Variants in MEAF6 observed in about 807,000 individuals in gnomAD.
The protein encoded by MEAF6 is chromatin modification-related protein MEAF6.
A neutral mutation model predicts 28.9 loss-of-function variants in MEAF6; 15 were observed. That is an observed-to-expected ratio of 0.52 (90% CI 0.35 to 0.80). MEAF6 has a LOEUF of 0.80. MEAF6 is among the 30% of genes least tolerant of loss of function. MEAF6 has a pLI of 0.01. For synonymous variants in MEAF6, 97 were observed against 88.7 expected (o/e 1.09, Z -0.53); for missense variants, 178 against 237.5 (o/e 0.75, Z 1.65).
intron 4 of MEAF6, among the ~76,000 whole-genome samples, chr1:37,504,145 T>C (rs1187003987): frequency 6.6e-6 from 1 of 152,136 alleles, no homozygotes; most frequent in Non-Finnish European, 1.5e-5. Flanking sequence ...GTTTTAGAAG[T>C]GTTTAGAAGT....
chr1:37,498,833 T>C (rs954906966), intron 5 of MEAF6, among the ~76,000 whole-genome samples: 2 of 152,202 alleles, frequency 1.3e-5, no homozygotes, highest in African/African-American at 2.4e-5. Context: ...TGATCACTTA[T>C]GGATGCTAAA....
At chr1:37,511,265 A>C (rs1487291171) in intron 2 of MEAF6, among the ~76,000 whole-genome samples, 1 of 152,212 alleles carries the variant, frequency 6.6e-6, no homozygotes, top group Non-Finnish European at 1.5e-5. Flanking sequence ...AGCCAGCTTG[A>C]GGAGGCTCCC....
rs58064924 is a variant in MEAF6 at position 37,503,681 on chromosome 1, AG to A, written c.341-1686del. 1.5e-4 allele frequency among the ~76,000 whole-genome samples: 23 copies of A among 150,540 alleles called. No homozygotes were observed. In the South Asian group the frequency reaches 4.4e-3, roughly 29 times the overall value. ...CTCAAAAAAAAAAAAAAAAAAAAAA[AG>A]GCTGCACACAGTGGCTCATGCCTGT... On this transcript the variant is annotated intron_variant, in intron 4 of 6. Transcript: ENST00000296214.
chr1:37,503,978 T>C (rs1642396653), intron 4 of MEAF6, among the ~76,000 whole-genome samples: 1 of 152,090 alleles, frequency 6.6e-6, no homozygotes, highest in African/African-American at 2.4e-5. Flanking sequence ...AATATAGTTA[T>C]TGGTATGGTT....
intron 6 of MEAF6, among the ~76,000 whole-genome samples, chr1:37,494,957 C>G (rs1468207429): frequency 6.6e-6 from 1 of 151,628 alleles, no homozygotes; most frequent in South Asian, 2.1e-4. Flanking sequence ...CTTATTAGAG[C>G]ACCTGAATTC....
chr1:37,499,446 G>A (rs1175163488), intron 5 of MEAF6, among the ~76,000 whole-genome samples: 1 of 152,174 alleles, frequency 6.6e-6, no homozygotes, highest in Non-Finnish European at 1.5e-5. Flanking sequence ...GCAGTAGTAA[G>A]GGACTTGGAG....
At chr1:37,512,597 T>C (rs1569991888) in intron 2 of MEAF6, among the ~76,000 whole-genome samples, 1 of 152,156 alleles carries the variant, frequency 6.6e-6, no homozygotes, top group African/African-American at 2.4e-5. Flanking sequence ...ATGGCAAAAA[T>C]TGTGAGGGTC....
intron 6 of MEAF6, 128 bp from the exon 7 acceptor site, chr1:37,494,235 GC>G: frequency 1.2e-6 from 1 of 806,312 alleles, no homozygotes; most frequent in Non-Finnish European, 2.0e-6. Flanking sequence ...TATATTTCAG[GC>G]CAGGCACAGT....
At chr1:37,496,524 TA>T (rs1164319174) in intron 5 of MEAF6, 6 of 1,313,374 alleles carry the variant, frequency 4.6e-6, no homozygotes. Context: ...TAATTTTGCT[TA>T]AGTTATTAAA....
chr1:37,494,236 C>A, intron 6 of MEAF6, 129 bp from the exon 7 acceptor site: 1 of 806,098 alleles, frequency 1.2e-6, no homozygotes, highest in Non-Finnish European at 2.0e-6. Context: ...ATATTTCAGG[C>A]CAGGCACAGT....
chr1:37,490,576 CA>C lies in MEAF6; in HGVS notation c.*3522del, dbSNP rs2148053226. ...GGAGACAGCGTCTTGCTACGTTACT[CA>C]GGCTGAAGTGCAGTGGCCATTCACA... On this transcript the variant is annotated 3_prime_UTR_variant, in exon 7 of 7. Transcript: ENST00000296214. Among the ~76,000 whole-genome samples the C allele has an allele frequency of 6.6e-6, 1 of 152,300 alleles. No homozygotes were observed. Among genetic ancestry groups the C allele is most frequent in the African/African-American group, 2.4e-5 (1 of 41,568 alleles).
chr1:37,491,908 ATTCT>A lies in MEAF6; in HGVS notation c.*2187_*2190del, dbSNP rs1288637381. Among the ~76,000 whole-genome samples the A allele has an allele frequency of 1.6e-3, 222 of 142,822 alleles. No individual in the cohort carries two copies. The highest frequency in any genetic ancestry group is 4.8e-3 in the African/African-American group (187 of 38,632). The allele number at this position is 142,822 out of a possible 152,430, so 93.7% of individuals were successfully genotyped here. A position where few individuals can be genotyped will look rare whatever the true frequency, so the allele number is the denominator to read the frequency against. ...AAATAATCTTTTTAAGAGCAGTACTATTCTTTCTTTTTTTTTTTTTTTTTGACAG... is the reference window on the plus strand; with the variant it reads ...AAATAATCTTTTTAAGAGCAGTACTATTCTTTTTTTTTTTTTTTTTGACAG... On this transcript the variant is annotated 3_prime_UTR_variant, in exon 7 of 7. Transcript: ENST00000296214.
chr1:37,502,129 ACAGAGAAGATACATG>A (rs1642327077), intron 4 of MEAF6, 133 bp from the exon 5 acceptor site: 2 of 566,758 alleles, frequency 3.5e-6, no homozygotes, highest in African/African-American at 1.8e-5. Flanking sequence ...ATACATGTTG[ACAGAGAAGATACATG>A]TTGACAGAGA....
intron 2 of MEAF6, among the ~76,000 whole-genome samples, chr1:37,509,963 G>C (rs1642611809): frequency 6.6e-6 from 1 of 151,956 alleles, no homozygotes; most frequent in African/African-American, 2.4e-5. Context: ...TTTTAGTAGA[G>C]ACGGGGTTTT....
Position 37,490,129 on chromosome 1 carries a change from A to T in MEAF6, c.*3970T>A, listed in dbSNP as rs1276649954. On this transcript the variant is annotated 3_prime_UTR_variant, in exon 7 of 7. Transcript: ENST00000296214. Reference sequence around the variant, plus strand: ...AAGGCTGAGCCTCAAAATGAATATAAATCAAAGGCCTAATCTTTTCTTCCC... The same window carrying T: ...AAGGCTGAGCCTCAAAATGAATATATATCAAAGGCCTAATCTTTTCTTCCC... 2.0e-5 allele frequency among the ~76,000 whole-genome samples: 3 copies of T among 152,018 alleles called. No homozygotes were observed. Among genetic ancestry groups the T allele is most frequent in the African/African-American group, 7.3e-5 (3 of 41,362 alleles).
intron 5 of MEAF6, 136 bp downstream of exon 5, chr1:37,501,668 T>C: frequency 2.3e-6 from 2 of 852,096 alleles, no homozygotes; most frequent in African/African-American, 3.4e-5. Context: ...AATTAGCCCG[T>C]TCACTTGGAC....
intron 4 of MEAF6, among the ~76,000 whole-genome samples, chr1:37,502,558 T>G (rs1026150700): frequency 3.2e-5 from 4 of 123,392 alleles, no homozygotes; most frequent in African/African-American, 1.1e-4. Flanking sequence ...TTTTTCTTGT[T>G]TTTTTTTTGT....
rs1381347145 is a variant in MEAF6 at position 37,493,023 on chromosome 1, G to A, written c.*1076C>T. 5 of 152,220 alleles carry A rather than the reference G, an allele frequency of 3.3e-5. No individual in the cohort carries two copies. Among genetic ancestry groups the A allele is most frequent in the Admixed American group, 3.3e-4 (5 of 15,280 alleles). The allele number at this position is 152,220 out of a possible 1,614,324, so 9.4% of individuals were successfully genotyped here. A position where few individuals can be genotyped will look rare whatever the true frequency, so the allele number is the denominator to read the frequency against. ...CACCACAGCACTAGAGGCAGGTAAC[G>A]ATTACTAGCAGATTCCTCAGCCCCA... On this transcript the variant is annotated 3_prime_UTR_variant, in exon 7 of 7. Transcript: ENST00000296214.
Position 37,490,420 on chromosome 1 carries a change from C to G in MEAF6, c.*3679G>C, listed in dbSNP as rs1228131006. On this transcript the variant is annotated 3_prime_UTR_variant, in exon 7 of 7. Transcript: ENST00000296214. Reference sequence around the variant, plus strand: ...TTGTATCTGACACACACATCACCTTCCTAGGCACTATGACACTATCCTGGG... The same window carrying G: ...TTGTATCTGACACACACATCACCTTGCTAGGCACTATGACACTATCCTGGG... Among the ~76,000 whole-genome samples, 3 of 152,164 alleles carry G rather than the reference C, an allele frequency of 2.0e-5. No individual in the cohort carries two copies. Among genetic ancestry groups the G allele is most frequent in the Non-Finnish European group, 4.4e-5 (3 of 68,034 alleles).
Sources: allele counts gnomAD v4.1 joint callset (sites outside exome capture counted in the v4.1 genomes callset), GRCh38; gene constraint gnomAD v4.1.1; transcripts MANE v1.5; gene names NCBI Gene and HGNC (gene_info 2026-07-23, HGNC 2026-07-21).